TENM3: variants seen among roughly 807,000 people sequenced by gnomAD.
The protein encoded by TENM3 is teneurin-3.
In TENM3, 63 loss-of-function variants were observed where a neutral mutation model predicts 255.1. The ratio of observed to expected loss-of-function variants is 0.25; its 90% confidence interval spans 0.20 to 0.30. The LOEUF is 0.30. Among genes scored for constraint, TENM3 ranks in the 10% least tolerant of loss-of-function variants. The pLI is 1.00. For synonymous variants in TENM3, 1,306 were observed against 1,322.3 expected, an observed-to-expected ratio of 0.99 and a Z score of 0.27; for missense variants, 2,929 against 3,461.1, an observed-to-expected ratio of 0.85 and a Z score of 3.86.
At chr4:181,939,016 A>G in the TENM3 span, among the ~76,000 whole-genome samples, 1 of 152,204 alleles carries the variant, frequency 6.6e-6, no homozygotes, top group African/African-American at 2.4e-5. Flanking sequence ...TTTTTAGAAC[A>G]TGCTATAAAG....
At chr4:182,608,868 C>T (rs1748695279) in intron 4 of TENM3, among the ~76,000 whole-genome samples, 1 of 152,210 alleles carries the variant, frequency 6.6e-6, no homozygotes, top group South Asian at 2.1e-4. Flanking sequence ...GGAGCTCGCC[C>T]GCCAGTGACC....
chr4:182,224,669 G>C (rs764388690), intron 1 of TENM3, among the ~76,000 whole-genome samples: 2 of 151,964 alleles, frequency 1.3e-5, no homozygotes, highest in Non-Finnish European at 2.9e-5. Context: ...GTCATGCCAA[G>C]CTTAGTTATT....
At chr4:181,884,193 T>A in the TENM3 span, among the ~76,000 whole-genome samples, 4 of 152,184 alleles carry the variant, frequency 2.6e-5, no homozygotes, top group African/African-American at 4.8e-5. Flanking sequence ...CCCTGGTTAG[T>A]TCAAGGTCTC....
At chr4:182,472,377 G>A (rs1431792126) in intron 3 of TENM3, among the ~76,000 whole-genome samples, 1 of 152,046 alleles carries the variant, frequency 6.6e-6, no homozygotes, top group Non-Finnish European at 1.5e-5. Context: ...CCATGTGTAG[G>A]TGTTCTTTTT....
At position 182,346,530 on chromosome 4, in the gene TENM3, C is replaced by T. The variant is rs1006992057; in HGVS notation, c.233-121C>T. ...TACTGTAAACGCCTGGTGCTGATCGCTGAAAAGCCTAAATGTTTGAGTGTT... is the reference window on the plus strand; with the variant it reads ...TACTGTAAACGCCTGGTGCTGATCGTTGAAAAGCCTAAATGTTTGAGTGTT... On this transcript the variant is annotated intron_variant, in intron 2 of 27. Transcript: ENST00000511685. The T allele has an allele frequency of 8.4e-6, 8 of 953,110 alleles. No individual in the cohort carries two copies. The Admixed American group carries it at 8.6e-5, about 10-fold the overall frequency. The allele number at this position is 953,110 out of a possible 1,614,324, so 59.0% of individuals were successfully genotyped here.
the TENM3 span, among the ~76,000 whole-genome samples, chr4:181,616,923 A>G: frequency 9.2e-5 from 14 of 152,140 alleles, no homozygotes; most frequent in Admixed American, 9.2e-4. Flanking sequence ...TCCCTCATGG[A>G]CATACTCGTA....
At chr4:182,509,154 G>A (rs547972839) in intron 3 of TENM3, among the ~76,000 whole-genome samples, 53 of 152,234 alleles carry the variant, frequency 3.5e-4, no homozygotes, top group African/African-American at 1.1e-3. Flanking sequence ...ATGTAGGTCC[G>A]CATCCTGCAG....
chr4:181,564,027 TCTTTTC>T, the TENM3 span, among the ~76,000 whole-genome samples: 7 of 134,586 alleles, frequency 5.2e-5, no homozygotes, highest in South Asian at 2.3e-4. Context: ...TCTTTTCTTT[TCTTTTC>T]TTTTTTCTTT....
intron 1 of TENM3, among the ~76,000 whole-genome samples, chr4:182,277,567 C>A (rs1300322214): frequency 1.3e-5 from 2 of 152,116 alleles, no homozygotes; most frequent in Admixed American, 1.3e-4. Context: ...TTTATAGCTA[C>A]TCTTCACTCA....
chr4:181,595,817 A>G, the TENM3 span, among the ~76,000 whole-genome samples: 1 of 151,934 alleles, frequency 6.6e-6, no homozygotes, highest in Admixed American at 6.6e-5. Flanking sequence ...TCATCCTTCT[A>G]CTTGGAACTC....
At position 182,600,920 on chromosome 4, in the gene TENM3, T is replaced by TTTA; in HGVS notation, c.512-4_512-3insTTA. 12 of 1,030,982 alleles carry TTTA rather than the reference T, an allele frequency of 1.2e-5. No homozygotes were observed. Among genetic ancestry groups the TTTA allele is most frequent in the Admixed American group, 6.3e-5 (2 of 31,878 alleles). 63.9% of individuals were successfully genotyped at this position (1,030,982 alleles called of 1,614,324 possible). On this transcript the variant is annotated splice_region_variant and splice_polypyrimidine_tract_variant and intron_variant, in intron 3 of 27. Coordinates refer to ENST00000511685, the MANE Select transcript of TENM3 (RefSeq NM_001080477.4). ...TTCTTTTTTTTTTTTTTTTTTTTTT[T>TTTA]CAGAGCAACCTGCAAGCAATCAAGG... is the stretch of plus-strand genomic sequence containing the variant.
intron 3 of TENM3, among the ~76,000 whole-genome samples, chr4:182,432,801 TG>T (rs1365243097): frequency 7.1e-6 from 1 of 140,804 alleles, no homozygotes; most frequent in South Asian, 2.4e-4. Flanking sequence ...CCAATGGCAC[TG>T]GGGGGTCATT....
At chr4:182,168,879 C>A (rs1189569111) in intron 1 of TENM3, among the ~76,000 whole-genome samples, 1 of 151,850 alleles carries the variant, frequency 6.6e-6, no homozygotes, top group Non-Finnish European at 1.5e-5. Context: ...GAAAAAAATT[C>A]ATGTATATGT....
At chr4:182,632,852 C>A (rs1751505543) in intron 5 of TENM3, among the ~76,000 whole-genome samples, 1 of 151,810 alleles carries the variant, frequency 6.6e-6, no homozygotes, top group Non-Finnish European at 1.5e-5. Context: ...GAGACAGGTT[C>A]TCACTCTGTT....
At chr4:181,744,810 G>GT in the TENM3 span, among the ~76,000 whole-genome samples, 1 of 152,174 alleles carries the variant, frequency 6.6e-6, no homozygotes, top group Admixed American at 6.5e-5. Context: ...TGACTCCAGA[G>GT]TTTTTTGTCT....
chr4:182,395,612 G>A, intron 3 of TENM3, among the ~76,000 whole-genome samples: 1 of 152,232 alleles, frequency 6.6e-6, no homozygotes, highest in Non-Finnish European at 1.5e-5. Context: ...AAATGTTAAA[G>A]GTTGAAAATT....
the TENM3 span, among the ~76,000 whole-genome samples, chr4:181,712,621 C>T: frequency 1.3e-5 from 2 of 152,146 alleles, no homozygotes; most frequent in Non-Finnish European, 2.9e-5. Flanking sequence ...CCCTATTACT[C>T]CCTCAGTCCA....
At chr4:182,209,719 T>C (rs967762776) in intron 1 of TENM3, among the ~76,000 whole-genome samples, 1 of 152,076 alleles carries the variant, frequency 6.6e-6, no homozygotes, top group African/African-American at 2.4e-5. Context: ...AGTAGCTGAA[T>C]AGGACCTTGC....
the TENM3 span, among the ~76,000 whole-genome samples, chr4:181,985,776 C>A: frequency 2.6e-5 from 4 of 152,130 alleles, no homozygotes; most frequent in Non-Finnish European, 5.9e-5. Context: ...AGCACTCCAT[C>A]ATGTATCTGT....
Sources: allele counts gnomAD v4.1 joint callset (sites outside exome capture counted in the v4.1 genomes callset), GRCh38; gene constraint gnomAD v4.1.1; transcripts MANE v1.5; gene names NCBI Gene and HGNC (gene_info 2026-07-23, HGNC 2026-07-21).